Variants in ZNF536 observed in about 807,000 individuals in gnomAD.
ZNF536 encodes zinc finger protein 536.
In ZNF536, 13 loss-of-function variants were observed where a neutral mutation model predicts 84.5. That is an observed-to-expected ratio of 0.15 (90% CI 0.10 to 0.24). The LOEUF is 0.24. ZNF536 is among the 10% of genes least tolerant of loss of function. The probability of loss-of-function intolerance (pLI) is 1.00; values close to 1 mark genes in which losing one functional copy is unlikely to be tolerated. For missense variants in ZNF536, 1,536 were observed against 1,747.5 expected, an observed-to-expected ratio of 0.88 and a Z score of 2.16; for synonymous variants, 811 against 742.5, an observed-to-expected ratio of 1.09 and a Z score of -1.50.
intron 2 of ZNF536, among the ~76,000 whole-genome samples, chr19:30,484,996 T>C (rs2054245145): frequency 6.6e-6 from 1 of 151,608 alleles, no homozygotes. Flanking sequence ...TACAAAAAAT[T>C]AGTCGGGCGT....
chr19:30,293,450 T>G (rs1426652924), intron 2 of ZNF536, among the ~76,000 whole-genome samples: 1 of 152,242 alleles, frequency 6.6e-6, no homozygotes. Flanking sequence ...AGGAAATGGC[T>G]GGTCTTGCGT....
At chr19:30,237,293 G>C (rs965350126) in intron 1 of ZNF536, among the ~76,000 whole-genome samples, 1 of 152,000 alleles carries the variant, frequency 6.6e-6, no homozygotes, top group Non-Finnish European at 1.5e-5. Context: ...TTCCTTCCCC[G>C]GGACAGACTT....
chr19:30,393,290 T>C (rs2049677237), intron 1 of ZNF536, among the ~76,000 whole-genome samples: 1 of 152,164 alleles, frequency 6.6e-6, no homozygotes, highest in South Asian at 2.1e-4. Flanking sequence ...TGAGGCTTGT[T>C]TGCTGATCTG....
intron 1 of ZNF536, among the ~76,000 whole-genome samples, chr19:30,695,972 T>C (rs1385348019): frequency 3.3e-5 from 5 of 152,240 alleles, no homozygotes; most frequent in Admixed American, 2.6e-4. Flanking sequence ...TCATAGGTGC[T>C]GCGTCTGCTA....
chr19:30,226,053 C>G (rs1480715211), upstream of ZNF536, among the ~76,000 whole-genome samples: 2 of 151,954 alleles, frequency 1.3e-5, no homozygotes, highest in Non-Finnish European at 2.9e-5. This position sits in a 1 kb window ranked among gnomAD's most constrained non-coding sequence, Gnocchi z 4.6. Context: ...CGCCGCCTCC[C>G]CGCCCGCGGT....
At chr19:30,347,562 G>C (rs1375258680) in intron 2 of ZNF536, among the ~76,000 whole-genome samples, 2 of 152,196 alleles carry the variant, frequency 1.3e-5, no homozygotes, top group East Asian at 3.9e-4. Flanking sequence ...AGAAATGGAG[G>C]CTCGGGGTCA....
chr19:30,488,249 C>A (rs1426175692), intron 2 of ZNF536, among the ~76,000 whole-genome samples: 1 of 152,202 alleles, frequency 6.6e-6, no homozygotes, highest in Non-Finnish European at 1.5e-5. Context: ...TTAGCAGGCA[C>A]TTTTAGTGTC....
intron 1 of ZNF536, among the ~76,000 whole-genome samples, chr19:30,614,157 G>A (rs2048200139): frequency 6.6e-6 from 1 of 152,264 alleles, no homozygotes; most frequent in Non-Finnish European, 1.5e-5. Context: ...GCCACTGCAC[G>A]TGGCCCTGTT....
intron 3 of ZNF536, among the ~76,000 whole-genome samples, chr19:30,536,175 C>T (rs1199247376): frequency 2.6e-5 from 4 of 152,184 alleles, no homozygotes; most frequent in Non-Finnish European, 4.4e-5. Flanking sequence ...TGCCCCGGCC[C>T]CATCCTGCCC....
intron 2 of ZNF536, among the ~76,000 whole-genome samples, chr19:30,348,780 A>G (rs1367580340): frequency 1.3e-5 from 2 of 151,694 alleles, no homozygotes; most frequent in East Asian, 3.9e-4. Context: ...TCTTTCACCA[A>G]AGAGTTTCCA....
chr19:30,328,652 G>A (rs1223478840), intron 2 of ZNF536, among the ~76,000 whole-genome samples: 1 of 152,226 alleles, frequency 6.6e-6, no homozygotes, highest in African/African-American at 2.4e-5. Context: ...AGAAATGAAG[G>A]TCTGATGTGA....
chr19:30,613,120 T>C (rs2147064838), intron 1 of ZNF536, among the ~76,000 whole-genome samples: 1 of 152,344 alleles, frequency 6.6e-6, no homozygotes, highest in African/African-American at 2.4e-5. Context: ...CCTCAGTGCA[T>C]CCGGTCAGGA....
chr19:30,519,171 C>G (rs887472989), intron 2 of ZNF536, among the ~76,000 whole-genome samples: 1 of 152,230 alleles, frequency 6.6e-6, no homozygotes, highest in Non-Finnish European at 1.5e-5. Context: ...CTATCGCGTC[C>G]CAAGGTTCTG....
intron 2 of ZNF536, among the ~76,000 whole-genome samples, chr19:30,461,037 C>T (rs1052585184): frequency 3.3e-5 from 5 of 152,096 alleles, no homozygotes; most frequent in African/African-American, 4.8e-5. Flanking sequence ...GCCGTGTGGG[C>T]GCGTCGGAGG....
At chr19:30,267,856 T>C (rs2025595097) in intron 1 of ZNF536, among the ~76,000 whole-genome samples, 1 of 151,834 alleles carries the variant, frequency 6.6e-6, no homozygotes, top group Non-Finnish European at 1.5e-5. Context: ...CTATCAGCAA[T>C]TGAGTGTGTA....
chr19:30,243,191 A>G (rs1000047886), intron 1 of ZNF536, among the ~76,000 whole-genome samples: 1 of 152,240 alleles, frequency 6.6e-6, no homozygotes, highest in African/African-American at 2.4e-5. Context: ...ATAAAGCAAC[A>G]GACCTTGTGG....
chr19:30,423,182 A>G (rs1568414064), intron 1 of ZNF536, among the ~76,000 whole-genome samples: 2 of 148,806 alleles, frequency 1.3e-5, no homozygotes. Context: ...ACCATCTTCT[A>G]TTTAGCCCTT....
chr19:30,246,141 G>A (rs1010538473), intron 1 of ZNF536, among the ~76,000 whole-genome samples: 1 of 152,138 alleles, frequency 6.6e-6, no homozygotes, highest in African/African-American at 2.4e-5. Context: ...CGAGACACTC[G>A]AATCACAGAG....
chr19:30,284,776 C>T (rs1394268896), intron 2 of ZNF536, among the ~76,000 whole-genome samples: 2 of 152,218 alleles, frequency 1.3e-5, no homozygotes, highest in Non-Finnish European at 2.9e-5. Flanking sequence ...CCCACCTTCT[C>T]CTGACCACAC....
Sources: allele counts gnomAD v4.1 joint callset (sites outside exome capture counted in the v4.1 genomes callset), GRCh38; gene constraint gnomAD v4.1.1; non-coding constraint Gnocchi (gnomAD v3.1); transcripts MANE v1.5; gene names NCBI Gene and HGNC (gene_info 2026-07-23, HGNC 2026-07-21).